PDE9A: variants seen among roughly 807,000 people sequenced by gnomAD.
PDE9A encodes high affinity cGMP-specific 3',5'-cyclic phosphodiesterase 9A.
PDE9A carries 60 observed loss-of-function variants against 87.4 expected under a neutral mutation model. The ratio of observed to expected loss-of-function variants is 0.69; its 90% CI spans 0.56 to 0.85. The LOEUF (loss-of-function observed/expected upper bound fraction) is 0.85. Ranked by LOEUF, PDE9A falls within the 40% of genes least tolerant of loss-of-function variation. The pLI, the probability that PDE9A is intolerant of heterozygous loss-of-function variation, is 0.00. For synonymous variants in PDE9A, 272 were observed against 279.4 expected (o/e 0.97, Z 0.27); for missense variants, 665 against 779.0 (o/e 0.85, Z 1.74).
intron 9 of PDE9A, among the ~76,000 whole-genome samples, chr21:42,751,906 C>G (rs138955174): frequency 1.3e-4 from 20 of 152,180 alleles, no homozygotes; most frequent in African/African-American, 4.6e-4. Context: ...GTCACCATGC[C>G]CAGTTAATTT....
intron 1 of PDE9A, among the ~76,000 whole-genome samples, chr21:42,670,537 C>T (rs893897968): frequency 3.3e-5 from 5 of 151,776 alleles, no homozygotes; most frequent in African/African-American, 7.3e-5. Context: ...CACATTCACA[C>T]TCACGTACAC....
At position 42,760,579 on chromosome 21, in the gene PDE9A, C is replaced by G. The variant is rs1371922937; in HGVS notation, c.1002+147C>G. The G allele has an allele frequency of 3.1e-6, 2 of 637,512 alleles. No individual in the cohort carries two copies. The highest frequency in any genetic ancestry group is 5.6e-6 in the Non-Finnish European group (2 of 357,828). 39.5% of individuals were successfully genotyped at this position (637,512 alleles called of 1,614,324 possible). A position where few individuals can be genotyped will look rare whatever the true frequency, so the allele number is the denominator to read the frequency against. ...CGCCCCTCCTAGGGACGCACCCCTG[C>G]CCACCGTTGTCAGTCACCCCATGGG... is the stretch of plus-strand genomic sequence containing the variant. On this transcript the variant is annotated intron_variant, in intron 12 of 19. Transcript: ENST00000291539. The surrounding 1 kb of genome is among the most constrained non-coding windows in gnomAD (Gnocchi z 5.2).
At chr21:42,768,686 C>T in intron 16 of PDE9A, 1 of 985,442 alleles carries the variant, frequency 1.0e-6, no homozygotes, top group Non-Finnish European at 1.2e-6. Context: ...CATAGAAAAC[C>T]AAGCCAGCTG....
intron 1 of PDE9A, among the ~76,000 whole-genome samples, chr21:42,667,741 T>C (rs1472653755): frequency 6.6e-6 from 1 of 152,032 alleles, no homozygotes; most frequent in Admixed American, 6.5e-5. Flanking sequence ...AGCCACCACT[T>C]CCCTAGAAAC....
intron 1 of PDE9A, 129 bp from the exon 2 acceptor site, chr21:42,686,063 C>G (rs1330465180): frequency 3.1e-6 from 2 of 655,042 alleles, no homozygotes; most frequent in Non-Finnish European, 5.6e-6. Context: ...CATTCCCGTG[C>G]GTAGAGTTAC....
At chr21:42,697,515 ATCT>A in intron 3 of PDE9A, 2 of 1,442,844 alleles carry the variant, frequency 1.4e-6, no homozygotes, top group South Asian at 2.3e-5. Context: ...GTTTGTCTTC[ATCT>A]TCTTAACAAC....
chr21:42,727,175 T>G (rs2051220882), intron 4 of PDE9A, among the ~76,000 whole-genome samples: 1 of 152,078 alleles, frequency 6.6e-6, no homozygotes, highest in South Asian at 2.1e-4. Context: ...TGTTGAGTCT[T>G]CCAACCCATT....
In PDE9A at chr21:42,704,081, A is replaced by G. The variant is rs1302804722; in HGVS notation, c.262+5070A>G. 3.3e-5 allele frequency among the ~76,000 whole-genome samples: 5 copies of G among 152,176 alleles called. No individual in the cohort carries two copies. Among genetic ancestry groups the G allele is most frequent in the Non-Finnish European group, 7.3e-5 (5 of 68,032 alleles). On this transcript the variant is annotated intron_variant, in intron 4 of 19. Coordinates refer to ENST00000291539, the MANE Select transcript of PDE9A (RefSeq NM_002606.3). This position sits in a 1 kb window ranked among gnomAD's most constrained non-coding sequence, Gnocchi z 5.3. ...CGGCAGCACGAGGCTGGTACGAGAC[A>G]GGTGCTTCAGGTGTTTGTTGAGAGC...
intron 4 of PDE9A, among the ~76,000 whole-genome samples, chr21:42,710,190 T>C (rs1009859882): frequency 2.6e-5 from 4 of 151,748 alleles, no homozygotes; most frequent in African/African-American, 9.7e-5. Flanking sequence ...GGCGGATCAC[T>C]TGAGGTCAGG....
In PDE9A at chr21:42,705,181, C is replaced by T. The variant is rs1169373724; in HGVS notation, c.262+6170C>T. Among the ~76,000 whole-genome samples the T allele has an allele frequency of 2.6e-5, 4 of 152,156 alleles. No homozygotes were observed. The highest frequency in any genetic ancestry group is 5.9e-5 in the Non-Finnish European group (4 of 68,024). ...CTTCTGTAGAAAAATGCTCTCTTCG[C>T]CTGATCATGGGAGGGAATCAAATGG... On this transcript the variant is annotated intron_variant, in intron 4 of 19. Coordinates refer to ENST00000291539, the MANE Select transcript of PDE9A (RefSeq NM_002606.3). The surrounding 1 kb of genome is among the most constrained non-coding windows in gnomAD (Gnocchi z 4.3).
intron 4 of PDE9A, among the ~76,000 whole-genome samples, chr21:42,710,788 G>A (rs2049260163): frequency 6.6e-6 from 1 of 152,164 alleles, no homozygotes; most frequent in Admixed American, 6.5e-5. Flanking sequence ...AAGAGTTCGA[G>A]ACCAGCCTGA....
rs1213860859 is a variant in PDE9A, at chr21:42,720,794, T to G, written c.263-10976T>G. Among the ~76,000 whole-genome samples the G allele has an allele frequency of 2.6e-5, 4 of 152,046 alleles. No individual in the cohort carries two copies. In the East Asian group the frequency reaches 5.8e-4, roughly 22 times the overall value. On this transcript the variant is annotated intron_variant, in intron 4 of 19. Coordinates refer to ENST00000291539, the MANE Select transcript of PDE9A (RefSeq NM_002606.3). ...GCCGAGGTGGGCGGATCACCTGAGG[T>G]CGGGAGTTCGAGACCAGCCTGGCCA...
At chr21:42,661,586 G>A (rs1405092867) in intron 1 of PDE9A, among the ~76,000 whole-genome samples, 1 of 152,150 alleles carries the variant, frequency 6.6e-6, no homozygotes, top group East Asian at 1.9e-4. Context: ...TTAAGGCCGA[G>A]CGGTATTCCA....
At position 42,695,973 on chromosome 21, in the gene PDE9A, A is replaced by C. The variant is rs911381868; in HGVS notation, c.219-2995A>C. Among the ~76,000 whole-genome samples the C allele has an allele frequency of 1.3e-5, 2 of 152,234 alleles. No individual in the cohort carries two copies. The highest frequency in any genetic ancestry group is 1.3e-4 in the Admixed American group (2 of 15,286). On this transcript the variant is annotated intron_variant, in intron 3 of 19. Transcript: ENST00000291539. The surrounding 1 kb of genome is among the most constrained non-coding windows in gnomAD (Gnocchi z 4.3). Reference sequence around the variant, plus strand: ...CCCAAGGATCTTGGGCCCAAGGGCCAGGAAGGTTTCTGCAGCCTCCTGGAG... The same window carrying C: ...CCCAAGGATCTTGGGCCCAAGGGCCCGGAAGGTTTCTGCAGCCTCCTGGAG...
intron 4 of PDE9A, chr21:42,724,503 C>G (rs966845150): frequency 4.9e-6 from 3 of 617,478 alleles, no homozygotes. Flanking sequence ...TTTGTGGATG[C>G]GTGGGTGTGG....
intron 1 of PDE9A, 134 bp downstream of exon 1, chr21:42,654,017 G>A: frequency 2.0e-6 from 1 of 489,130 alleles, no homozygotes; most frequent in Non-Finnish European, 3.6e-6. Context: ...AGCTCTGGTC[G>A]GGGGCGGGGG....
chr21:42,775,355 G>A lies in PDE9A; in HGVS notation c.*62G>A, dbSNP rs773213633. The stretch of plus-strand genomic sequence containing the variant: ...TGGCCGAGCTGCGCGGGATCCTTGT[G>A]CAGGGAAGAGCTGCCCTGGGCACCT... On this transcript the variant is annotated 3_prime_UTR_variant, in exon 20 of 20. Coordinates refer to ENST00000291539, the MANE Select transcript of PDE9A (RefSeq NM_002606.3). The A allele has an allele frequency of 5.9e-6, 9 of 1,518,830 alleles. No individual in the cohort carries two copies. The highest frequency in any genetic ancestry group is 8.1e-6 in the Non-Finnish European group (9 of 1,109,672). 94.1% of individuals were successfully genotyped at this position (1,518,830 alleles called of 1,614,324 possible).
chr21:42,707,965 A>G (rs1219545677), intron 4 of PDE9A, among the ~76,000 whole-genome samples: 1 of 152,214 alleles, frequency 6.6e-6, no homozygotes, highest in Non-Finnish European at 1.5e-5. Flanking sequence ...CTGAATTTTA[A>G]TAGAACAGGA....
rs530082152 is a variant in PDE9A at position 42,662,584 on chromosome 21, C to A, written c.69+8701C>A. On this transcript the variant is annotated intron_variant, in intron 1 of 19. Transcript: ENST00000291539. ...ACACAAGCACACCACACACACCAAG[C>A]ACACGCACATCATACACATGCACAC... Among the ~76,000 whole-genome samples the A allele has an allele frequency of 8.9e-4, 128 of 144,604 alleles. 2 individuals are homozygous for A. The highest frequency in any genetic ancestry group is 3.0e-3 in the African/African-American group (115 of 38,770). The allele number at this position is 144,604 out of a possible 152,430, so 94.9% of individuals were successfully genotyped here.
Sources: gnomAD v4.1 joint callset for allele counts (sites outside exome capture counted in the v4.1 genomes callset) on GRCh38, gnomAD v4.1.1 for gene constraint, Gnocchi (gnomAD v3.1) non-coding constraint, MANE v1.5 for transcripts, NCBI Gene and HGNC (gene_info 2026-07-23, HGNC 2026-07-21) for gene names.